CSMD1: variants seen among roughly 807,000 people sequenced by gnomAD.
The protein encoded by CSMD1 is CUB and Sushi multiple domains 1.
Under a neutral mutation model 417.5 loss-of-function variants are expected in CSMD1, and 213 were observed. The ratio of observed to expected loss-of-function variants is 0.51; its 90% CI spans 0.46 to 0.57. CSMD1 has a LOEUF of 0.57. Ranked by LOEUF, CSMD1 falls within the 20% of genes least tolerant of loss-of-function variation. The probability of loss-of-function intolerance (pLI) is 0.00; values close to 1 mark genes in which losing one functional copy is unlikely to be tolerated. For synonymous variants in CSMD1, 2,862 were observed against 1,736.8 expected (o/e 1.65, Z -16.11); for missense variants, 6,923 against 4,529.7 (o/e 1.53, Z -15.17).
rs371297530 is a variant in CSMD1, at chr8:3,151,695, T to C, written c.5915-182A>G. Reference sequence around the variant, plus strand: ...TTATTTATGAGCTGTGCTCTCCCTCTTGACAGTGAACTGCTTTAGAATAAA... The same window carrying C: ...TTATTTATGAGCTGTGCTCTCCCTCCTGACAGTGAACTGCTTTAGAATAAA... On this transcript the variant is annotated intron_variant, in intron 39 of 69. Coordinates refer to ENST00000635120, the MANE Select transcript of CSMD1 (RefSeq NM_033225.6). Among the ~76,000 whole-genome samples, 20 of 152,326 alleles carry C rather than the reference T, an allele frequency of 1.3e-4. No individual in the cohort carries two copies. The East Asian group carries it at 3.7e-3, about 28-fold the overall frequency.
chr8:3,908,778 G>C (rs1266332536), intron 5 of CSMD1, among the ~76,000 whole-genome samples: 1 of 151,986 alleles, frequency 6.6e-6, no homozygotes, highest in African/African-American at 2.4e-5. Context: ...ACAGGCATTA[G>C]GGGCAATTCT....
chr8:2,974,346 A>C (rs1445190434), intron 56 of CSMD1, 105 bp downstream of exon 56: 1 of 1,112,272 alleles, frequency 9.0e-7, no homozygotes, highest in Non-Finnish European at 1.2e-6. Flanking sequence ...TAAATGCATA[A>C]TTATAGGGCT....
chr8:3,977,733 T>G (rs889621714), intron 5 of CSMD1, among the ~76,000 whole-genome samples: 3 of 152,212 alleles, frequency 2.0e-5, no homozygotes, highest in African/African-American at 7.2e-5. Flanking sequence ...AAATATTAAT[T>G]TTGGTCTTCA....
chr8:4,133,661 G>C (rs111842791), intron 3 of CSMD1, among the ~76,000 whole-genome samples: 6 of 152,062 alleles, frequency 3.9e-5, no homozygotes, highest in South Asian at 2.1e-4. Context: ...CTCCATGTAA[G>C]TGTAGGGAAA....
chr8:4,231,757 T>G (rs1585064887), intron 3 of CSMD1, among the ~76,000 whole-genome samples: 2 of 152,264 alleles, frequency 1.3e-5, no homozygotes, highest in East Asian at 1.9e-4. Context: ...TAAATAACAC[T>G]GTTGGCCATG....
At chr8:3,102,733 C>T (rs376508122) in intron 46 of CSMD1, among the ~76,000 whole-genome samples, 1 of 152,040 alleles carries the variant, frequency 6.6e-6, no homozygotes. Flanking sequence ...AAAGAGCCAG[C>T]GCCTTTATAC....
chr8:4,150,121 G>C (rs192452726), intron 3 of CSMD1, among the ~76,000 whole-genome samples: 2 of 152,282 alleles, frequency 1.3e-5, no homozygotes, highest in South Asian at 2.1e-4. Flanking sequence ...TTTCCACATT[G>C]TGTATTTTAA....
intron 12 of CSMD1, among the ~76,000 whole-genome samples, chr8:3,440,750 T>A (rs1006897809): frequency 6.6e-5 from 10 of 152,206 alleles, no homozygotes; most frequent in African/African-American, 9.7e-5. Flanking sequence ...CAGTCTTTCA[T>A]CAGTAAGGTT....
chr8:3,830,960 C>T (rs1802341421), intron 5 of CSMD1, among the ~76,000 whole-genome samples: 1 of 152,066 alleles, frequency 6.6e-6, no homozygotes, highest in Non-Finnish European at 1.5e-5. Flanking sequence ...GACAGTTCAC[C>T]TAGGACGATT....
rs145699329 is a variant in CSMD1, at chr8:4,406,927, G to C, written c.415+13026C>G. ...ATTGAGAAAGTGGGTTAAATAACAAGACCAAGCTGACTTAAAAGGGAAGAG... is the reference window on the plus strand; with the variant it reads ...ATTGAGAAAGTGGGTTAAATAACAACACCAAGCTGACTTAAAAGGGAAGAG... On this transcript the variant is annotated intron_variant, in intron 3 of 69. Coordinates refer to ENST00000635120, the MANE Select transcript of CSMD1 (RefSeq NM_033225.6). Among the ~76,000 whole-genome samples the C allele has an allele frequency of 5.1e-3, 776 of 152,266 alleles. 4 individuals are homozygous for C. The highest frequency in any genetic ancestry group is 0.018 in the African/African-American group (738 of 41,552).
At chr8:4,182,392 TAG>T (rs1477445425) in intron 3 of CSMD1, among the ~76,000 whole-genome samples, 1 of 152,108 alleles carries the variant, frequency 6.6e-6, no homozygotes, top group African/African-American at 2.4e-5. Flanking sequence ...TAAAACTTAT[TAG>T]AGAGATCAGT....
chr8:3,960,529 A>C (rs1812253241), intron 5 of CSMD1, among the ~76,000 whole-genome samples: 2 of 152,302 alleles, frequency 1.3e-5, no homozygotes, highest in African/African-American at 4.8e-5. Flanking sequence ...ATTAGCATTT[A>C]AGTGTGCCAA....
At chr8:4,814,705 G>A (rs879328477) in intron 1 of CSMD1, among the ~76,000 whole-genome samples, 3 of 152,124 alleles carry the variant, frequency 2.0e-5, no homozygotes, top group Non-Finnish European at 4.4e-5. Flanking sequence ...GCTCATGCAG[G>A]TGTACCCTGT....
chr8:3,731,784 G>C (rs903155966), intron 6 of CSMD1, among the ~76,000 whole-genome samples: 1 of 152,154 alleles, frequency 6.6e-6, no homozygotes, highest in Admixed American at 6.6e-5. Flanking sequence ...ACAGCATTAA[G>C]TGCTTATGTT....
intron 5 of CSMD1, among the ~76,000 whole-genome samples, chr8:3,983,226 G>T (rs1054667479): frequency 2.7e-5 from 4 of 150,090 alleles, no homozygotes; most frequent in Non-Finnish European, 5.9e-5. Flanking sequence ...CACCTCCCGG[G>T]TTCACGCCAT....
At chr8:4,972,650 C>A (rs1810311700) in intron 1 of CSMD1, among the ~76,000 whole-genome samples, 1 of 152,016 alleles carries the variant, frequency 6.6e-6, no homozygotes, top group Non-Finnish European at 1.5e-5. Context: ...AGACACTAAG[C>A]AATATTCAAA....
At chr8:4,099,909 T>C (rs1801218317) in intron 3 of CSMD1, among the ~76,000 whole-genome samples, 1 of 152,162 alleles carries the variant, frequency 6.6e-6, no homozygotes, top group Non-Finnish European at 1.5e-5. Flanking sequence ...ATGGAGACTT[T>C]TCTAACAAAA....
chr8:2,971,194 C>G (rs983414149), intron 57 of CSMD1, among the ~76,000 whole-genome samples: 3 of 152,142 alleles, frequency 2.0e-5, no homozygotes, highest in African/African-American at 7.2e-5. Context: ...ACTTCAAGCT[C>G]TTGGACATAT....
intron 49 of CSMD1, among the ~76,000 whole-genome samples, chr8:3,071,913 C>T (rs1326115269): frequency 2.0e-5 from 3 of 152,182 alleles, no homozygotes; most frequent in South Asian, 2.1e-4. Context: ...CTGTGCCCCT[C>T]AGTTGATCTC....
Sources: allele counts gnomAD v4.1 joint callset (sites outside exome capture counted in the v4.1 genomes callset), GRCh38; gene constraint gnomAD v4.1.1; transcripts MANE v1.5; gene names NCBI Gene and HGNC (gene_info 2026-07-23, HGNC 2026-07-21).